PROSER1: variants seen among roughly 807,000 people sequenced by gnomAD.
PROSER1 encodes proline and serine-rich protein 1.
PROSER1 carries 36 observed loss-of-function variants against 71.8 expected under a neutral mutation model. That is an observed-to-expected ratio of 0.50 (90% CI 0.38 to 0.66). The LOEUF (loss-of-function observed/expected upper bound fraction) is 0.66. Among genes scored for constraint, PROSER1 ranks in the 30% least tolerant of loss-of-function variants. The probability of loss-of-function intolerance (pLI) is 0.00; values close to 1 mark genes in which losing one functional copy is unlikely to be tolerated. For synonymous variants in PROSER1, 490 were observed against 452.4 expected (o/e 1.08, Z -1.06); for missense variants, 1,107 against 1,135.0 (o/e 0.98, Z 0.35).
chr13:39,024,016 T>G (rs1415360441), intron 7 of PROSER1: 1 of 156,338 alleles, frequency 6.4e-6, no homozygotes, highest in Non-Finnish European at 1.4e-5. Flanking sequence ...GGTGGTTGTA[T>G]GCAGGCCTCT....
rs1869705123 is a variant in PROSER1 at position 39,012,334 on chromosome 13, A to G, written c.2562-101T>C. On this transcript the variant is annotated intron_variant, in intron 11 of 12. Coordinates refer to ENST00000352251, the MANE Select transcript of PROSER1 (RefSeq NM_025138.5). ...AATCTTAAAATGTTAAAAACAAAAC[A>G]AAAACCTTAGAATTTATTCCTCTGT... 12 of 1,294,208 alleles carry G rather than the reference A, an allele frequency of 9.3e-6. No individual in the cohort carries two copies. The East Asian group carries it at 2.8e-4, about 30-fold the overall frequency. The allele number at this position is 1,294,208 out of a possible 1,614,324, so 80.2% of individuals were successfully genotyped here. A position where few individuals can be genotyped will look rare whatever the true frequency, so the allele number is the denominator to read the frequency against.
intron 3 of PROSER1, 114 bp downstream of exon 3, chr13:39,031,449 C>T: frequency 1.3e-6 from 1 of 768,738 alleles, no homozygotes; most frequent in Non-Finnish European, 2.2e-6. Flanking sequence ...TACAATAACA[C>T]ATAGAGTTCG....
Position 39,012,781 on chromosome 13 carries a change from G to A in PROSER1, c.2471C>T (p.Ala824Val), listed in dbSNP as rs1348874199. ...TVAAVTPLPV[A>V]ATAPSPAPVL... is the part of the protein sequence containing the mutation. ...TGGAGCTGGGGATGGGGCTGTGGCA[G>A]CCACAGGTAGTGGTGTGACAGCTGC... The change falls in exon 11 of 13, where the codon GCT becomes GTT. Residue 824 changes from alanine to valine, a missense_variant. Ala to Val is a moderately conservative substitution (Grantham distance 64). Coordinates refer to ENST00000352251, the MANE Select transcript of PROSER1 (RefSeq NM_025138.5). The A allele has an allele frequency of 1.9e-6, 3 of 1,614,152 alleles. No individual in the cohort carries two copies. In the East Asian group the frequency reaches 6.7e-5, roughly 36 times the overall value.
At chr13:39,017,581 A>T in intron 9 of PROSER1, 37 bp from the exon 10 acceptor site, 2 of 1,117,126 alleles carry the variant, frequency 1.8e-6, no homozygotes, top group Admixed American at 2.3e-5. Flanking sequence ...TTTAAACTTT[A>T]ATCAAATATT....
intron 9 of PROSER1, among the ~76,000 whole-genome samples, chr13:39,019,753 G>T (rs1180609334): frequency 1.3e-5 from 2 of 151,148 alleles, no homozygotes; most frequent in East Asian, 1.9e-4. Context: ...TGGAATAGAA[G>T]AATAATGAAA....
At chr13:39,016,919 C>G (rs1487254616) in intron 10 of PROSER1, among the ~76,000 whole-genome samples, 1 of 152,184 alleles carries the variant, frequency 6.6e-6, no homozygotes, top group African/African-American at 2.4e-5. Context: ...TTGTCTCATA[C>G]AAGAAAGCCT....
At chr13:39,022,503 G>A (rs887412268) in intron 8 of PROSER1, 91 bp from the exon 9 acceptor site, 3 of 799,988 alleles carry the variant, frequency 3.8e-6, no homozygotes, top group East Asian at 2.5e-5. Context: ...CTATATTAAT[G>A]CAGCTATTCA....
chr13:39,027,088 A>ATG (rs35072988), intron 5 of PROSER1, among the ~76,000 whole-genome samples: 2 of 151,880 alleles, frequency 1.3e-5, no homozygotes, highest in South Asian at 4.1e-4. Flanking sequence ...AGCTATACAT[A>ATG]TGTGTGTGTA....
rs946278632 is a variant in PROSER1, at chr13:39,012,702, A to C, written c.2550T>G (p.Val850=). ...AFSSNFNSAL[V]AQAGLSSGLQ... is the part of the protein sequence containing the mutation. ...AACTATCCACATACCCGGCTTGTGC[A>C]ACAAGAGCGGAGTTGAAATTGGAAC... The change falls in exon 11 of 13, where the codon GTT becomes GTG. Residue 850 remains valine (V), a synonymous_variant. Coordinates refer to ENST00000352251, the MANE Select transcript of PROSER1 (RefSeq NM_025138.5). The C allele has an allele frequency of 1.3e-6, 2 of 1,576,658 alleles. No individual in the cohort carries two copies.
chr13:39,032,525 T>C (rs1870895295), intron 2 of PROSER1, among the ~76,000 whole-genome samples: 1 of 152,166 alleles, frequency 6.6e-6, no homozygotes, highest in African/African-American at 2.4e-5. Context: ...TTCCAATTAT[T>C]CTATACAGCA....
intron 1 of PROSER1, 27 bp from the exon 2 acceptor site, chr13:39,034,223 G>C (rs761907931): frequency 7.3e-6 from 11 of 1,516,890 alleles, no homozygotes; most frequent in African/African-American, 1.4e-5. Context: ...CACACACACA[G>C]AGTAAAACAG....
At chr13:39,033,962 C>T (rs1388336455) in intron 2 of PROSER1, among the ~76,000 whole-genome samples, 169 bp downstream of exon 2, 1 of 151,876 alleles carries the variant, frequency 6.6e-6, no homozygotes, top group East Asian at 1.9e-4. Flanking sequence ...GTGCTTAGTC[C>T]CTGAATTATA....
At chr13:39,012,275 CAT>C in intron 11 of PROSER1, 42 bp from the exon 12 acceptor site, 1 of 1,577,492 alleles carries the variant, frequency 6.3e-7, no homozygotes, top group East Asian at 2.2e-5. Context: ...GCAGACAAGA[CAT>C]AAAAGCTACT....
chr13:39,011,880 CTACCACCTCTGT>C (rs1359866813), intron 12 of PROSER1, among the ~76,000 whole-genome samples, 191 bp downstream of exon 12: 22 of 152,302 alleles, frequency 1.4e-4, no homozygotes, highest in African/African-American at 5.3e-4. Context: ...TAACTATATC[CTACCACCTCTGT>C]TACTCTCCTG....
At chr13:39,022,096 T>A (rs1437379211) in intron 9 of PROSER1, among the ~76,000 whole-genome samples, 1 of 152,196 alleles carries the variant, frequency 6.6e-6, no homozygotes, top group East Asian at 1.9e-4. Context: ...TCATTAAACA[T>A]GTTACTGAAC....
chr13:39,022,951 A>G, intron 8 of PROSER1, 101 bp downstream of exon 8: 2 of 912,902 alleles, frequency 2.2e-6, no homozygotes, highest in Non-Finnish European at 1.7e-6. Context: ...GCATTTCATA[A>G]GTGCTACAGA....
chr13:39,020,058 T>C (rs1041895964), intron 9 of PROSER1, among the ~76,000 whole-genome samples: 5 of 146,808 alleles, frequency 3.4e-5, no homozygotes, highest in Admixed American at 6.8e-5. Flanking sequence ...TTTATATCTA[T>C]CTAGAAAACT....
intron 9 of PROSER1, among the ~76,000 whole-genome samples, chr13:39,018,671 T>C (rs1034838584): frequency 6.6e-6 from 1 of 151,780 alleles, no homozygotes; most frequent in Admixed American, 6.6e-5. Context: ...CAAAAAAAAA[T>C]TTTTAATGGA....
chr13:39,016,077 G>A (rs562289114), intron 10 of PROSER1, among the ~76,000 whole-genome samples: 147 of 152,234 alleles, frequency 9.7e-4, no homozygotes, highest in African/African-American at 3.4e-3. Flanking sequence ...ATTTATAGCA[G>A]CCTCTGTTGG....
Sources: allele counts gnomAD v4.1 joint callset (sites outside exome capture counted in the v4.1 genomes callset), GRCh38; gene constraint gnomAD v4.1.1; transcripts MANE v1.5; gene names NCBI Gene and HGNC (gene_info 2026-07-23, HGNC 2026-07-21).